Variants in CCDC191 observed in about 807,000 individuals in gnomAD.
The protein encoded by CCDC191 is coiled-coil domain-containing protein 191.
Under a neutral mutation model 114.0 loss-of-function variants are expected in CCDC191, and 99 were observed. The observed-to-expected ratio is 0.87, with a 90% CI of 0.74 to 1.03. The LOEUF (loss-of-function observed/expected upper bound fraction) is 1.03, where lower values mean the gene tolerates loss of function less well. Ranked by LOEUF, CCDC191 falls within the 50% of genes least tolerant of loss-of-function variation. The probability of loss-of-function intolerance (pLI) is 0.00; values close to 1 mark genes in which losing one functional copy is unlikely to be tolerated. For missense variants in CCDC191, 973 were observed against 1,087.0 expected (o/e 0.90, Z 1.47); for synonymous variants, 351 against 376.0 (o/e 0.93, Z 0.77).
intron 4 of CCDC191, chr3:114,037,003 C>G: frequency 3.8e-6 from 1 of 264,588 alleles, no homozygotes; most frequent in Non-Finnish European, 6.9e-6. Flanking sequence ...TGCCCTCACC[C>G]AAGTCACTAA....
In CCDC191 at chr3:113,964,450, CTG is replaced by C. The variant is rs1939908352; in HGVS notation, c.*703_*704del. The C allele has an allele frequency of 6.6e-6, 1 of 152,104 alleles. No individual in the cohort carries two copies. The highest frequency in any genetic ancestry group is 1.5e-5 in the Non-Finnish European group (1 of 68,038). The allele number at this position is 152,104 out of a possible 1,614,324, so 9.4% of individuals were successfully genotyped here. A position where few individuals can be genotyped will look rare whatever the true frequency, so the allele number is the denominator to read the frequency against. On this transcript the variant is annotated 3_prime_UTR_variant, in exon 17 of 17. Transcript: ENST00000295878. ...ACTGAGCTGAGTACTAGAAGACAAACTGAGTGTATTATTCAGCAGTTGCAGGT... is the reference window on the plus strand; with the variant it reads ...ACTGAGCTGAGTACTAGAAGACAAACAGTGTATTATTCAGCAGTTGCAGGT...
chr3:113,989,228 TGATAGAAGCA>T (rs1027699487), intron 13 of CCDC191, among the ~76,000 whole-genome samples: 4 of 152,182 alleles, frequency 2.6e-5, no homozygotes, highest in African/African-American at 4.8e-5. Flanking sequence ...TCTCAATAAC[TGATAGAAGCA>T]GGCACAAAAT....
intron 8 of CCDC191, 128 bp downstream of exon 8, chr3:114,018,550 G>T: frequency 1.4e-6 from 1 of 740,448 alleles, no homozygotes; most frequent in Non-Finnish European, 2.1e-6. Context: ...TAGAAAAACT[G>T]TGATTACCAT....
At chr3:114,016,086 AC>A (rs1401373774) in intron 8 of CCDC191, among the ~76,000 whole-genome samples, 8 of 152,252 alleles carry the variant, frequency 5.3e-5, no homozygotes, top group African/African-American at 1.9e-4. Flanking sequence ...GAGGTGGCAA[AC>A]ACACACGTCA....
intron 16 of CCDC191, among the ~76,000 whole-genome samples, chr3:113,968,377 A>G (rs1273141333): frequency 2.0e-5 from 3 of 152,082 alleles, no homozygotes; most frequent in Non-Finnish European, 4.4e-5. Context: ...TTTCTCTGAT[A>G]ATTAGTGATG....
intron 15 of CCDC191, 44 bp from the exon 16 acceptor site, chr3:113,978,375 T>C (rs1460567935): frequency 3.8e-6 from 6 of 1,597,068 alleles, no homozygotes; most frequent in South Asian, 1.1e-5. Context: ...AAAATATCAG[T>C]TGACAAAGAA....
intron 7 of CCDC191, among the ~76,000 whole-genome samples, chr3:114,026,400 C>T (rs1024452880): frequency 6.6e-6 from 1 of 152,180 alleles, no homozygotes; most frequent in Admixed American, 6.5e-5. Flanking sequence ...CACACATTGC[C>T]CTTGGCAATA....
intron 13 of CCDC191, among the ~76,000 whole-genome samples, chr3:113,982,912 T>C (rs2075218399): frequency 6.6e-6 from 1 of 151,422 alleles, no homozygotes; most frequent in South Asian, 2.1e-4. Flanking sequence ...CTAGAGACCA[T>C]GAGTATAGAT....
At chr3:114,015,852 A>C (rs1431760858) in intron 8 of CCDC191, among the ~76,000 whole-genome samples, 1 of 152,256 alleles carries the variant, frequency 6.6e-6, no homozygotes, top group Non-Finnish European at 1.5e-5. Context: ...CTATTAGGAA[A>C]AGCAAGATGC....
At position 114,001,584 on chromosome 3, in the gene CCDC191, A is replaced by G. The variant is rs1249085279; in HGVS notation, c.2163+11T>C. On this transcript the variant is annotated intron_variant, in intron 13 of 16. Transcript: ENST00000295878. Reference sequence around the variant, plus strand: ...CAAGATACAGGGACTGACCAAATAGACAATACTAACCATTTTCTTCAGTCT... The same window carrying G: ...CAAGATACAGGGACTGACCAAATAGGCAATACTAACCATTTTCTTCAGTCT... 3.7e-6 allele frequency: 6 copies of G among 1,613,584 alleles called. No individual in the cohort carries two copies. The highest frequency in any genetic ancestry group is 5.1e-6 in the Non-Finnish European group (6 of 1,179,664).
chr3:114,048,371 G>A (rs755775631), intron 2 of CCDC191, among the ~76,000 whole-genome samples: 6 of 152,154 alleles, frequency 3.9e-5, no homozygotes, highest in Non-Finnish European at 8.8e-5. Flanking sequence ...AGTGGCTCCT[G>A]ATCTCAATCA....
chr3:113,965,797 G>A (rs1940090787), intron 16 of CCDC191, among the ~76,000 whole-genome samples: 1 of 151,994 alleles, frequency 6.6e-6, no homozygotes, highest in African/African-American at 2.4e-5. Context: ...GTTTCACCAT[G>A]TTGGCCAGGC....
intron 13 of CCDC191, among the ~76,000 whole-genome samples, chr3:113,987,171 G>A (rs558571443): frequency 2.0e-5 from 3 of 149,628 alleles, no homozygotes; most frequent in East Asian, 1.9e-4. Flanking sequence ...TTCTATATCC[G>A]GCAAAAAACA....
chr3:114,031,701 A>C lies in CCDC191; in HGVS notation c.897T>G (p.Asp299Glu), dbSNP rs755315773. Residue 299 changes from aspartate (D) to glutamate (E), a missense_variant, in exon 7 of 17, where the codon GAT becomes GAG. Transcript: ENST00000295878. ...TTCTTTCCTTCACCATTTTTTCCTC[A>C]TCTGGAAGAATGTGAGTACTTTGAA... ...VMFQSTHILP[D>E]EEKMVKERKR... 3.2e-6 allele frequency: 5 copies of C among 1,580,056 alleles called. No individual in the cohort carries two copies. Among genetic ancestry groups the C allele is most frequent in the Non-Finnish European group, 3.5e-6 (4 of 1,149,462 alleles).
chr3:114,040,379 T>A (rs1167115755), intron 4 of CCDC191, among the ~76,000 whole-genome samples: 5 of 152,182 alleles, frequency 3.3e-5, no homozygotes, highest in African/African-American at 9.7e-5. Context: ...ATTTCTGTCT[T>A]CAATTTTGTC....
At chr3:114,022,613 ACCCAGG>A (rs2076259224) in intron 7 of CCDC191, among the ~76,000 whole-genome samples, 1 of 152,122 alleles carries the variant, frequency 6.6e-6, no homozygotes, top group Non-Finnish European at 1.5e-5. Context: ...TACATTCTAC[ACCCAGG>A]CCCCTAAGTG....
rs765670138 is a variant in CCDC191, at chr3:113,965,160, C to A, written c.2806G>T (p.Glu936Ter). 1 of 1,593,218 alleles carries A rather than the reference C, an allele frequency of 6.3e-7. No individual in the cohort carries two copies. The highest frequency in any genetic ancestry group is 1.1e-5 in the South Asian group (1 of 87,838). ...WSLSKTSLVN[E>*] ...AAATATTACACTAATCTGGCTCATT[C>A]GTTCACCAGACTTGTCTTACTCAAG... is the stretch of plus-strand genomic sequence containing the variant. Residue 936 changes from glutamate to a stop codon, truncating the protein, a stop_gained, in exon 17 of 17, where the codon GAA becomes TAA. Transcript: ENST00000295878. LOFTEE classifies it high-confidence loss of function.
intron 7 of CCDC191, among the ~76,000 whole-genome samples, chr3:114,027,003 A>G (rs1456711570): frequency 6.6e-6 from 1 of 152,174 alleles, no homozygotes. Context: ...GAAGAAGGCC[A>G]TTTTCCAAAT....
In CCDC191 at chr3:114,036,629, G is replaced by T; in HGVS notation, c.573C>A (p.Thr191=). The T allele has an allele frequency of 6.3e-7, 1 of 1,597,814 alleles. No individual in the cohort carries two copies. Among genetic ancestry groups the T allele is most frequent in the South Asian group, 1.1e-5 (1 of 88,804 alleles). Residue 191 remains threonine (T), a synonymous_variant, in exon 5 of 17, where the codon ACC becomes ACA. Coordinates refer to ENST00000295878, the MANE Select transcript of CCDC191 (RefSeq NM_020817.2). Reference sequence around the variant, plus strand: ...CCACCTGCTTATGTCTCATCTCCATGGTAAGACGAGGATCCTTCTGCTGCT... The same window carrying T: ...CCACCTGCTTATGTCTCATCTCCATTGTAAGACGAGGATCCTTCTGCTGCT... The part of the protein sequence containing the change: ...DKKQQKDPRL[T]MEMRHKQVKE...
Sources: allele counts gnomAD v4.1 joint callset (sites outside exome capture counted in the v4.1 genomes callset), GRCh38; gene constraint gnomAD v4.1.1; transcripts MANE v1.5; gene names NCBI Gene and HGNC (gene_info 2026-07-23, HGNC 2026-07-21).